SDK1: variants seen among roughly 807,000 people sequenced by gnomAD.
SDK1 encodes protein sidekick-1.
Under a neutral mutation model 245.5 loss-of-function variants are expected in SDK1, and 157 were observed. The observed-to-expected ratio is 0.64, with a 90% CI of 0.56 to 0.73. SDK1 has a LOEUF of 0.73. Ranked by LOEUF, SDK1 falls within the 30% of genes least tolerant of loss-of-function variation. The pLI is 0.00. For synonymous variants in SDK1, 1,647 were observed against 1,278.5 expected (o/e 1.29, Z -6.15); for missense variants, 3,583 against 3,002.3 (o/e 1.19, Z -4.52).
intron 1 of SDK1, among the ~76,000 whole-genome samples, chr7:3,614,549 G>A (rs1015647078): frequency 6.6e-6 from 1 of 152,176 alleles, no homozygotes; most frequent in Non-Finnish European, 1.5e-5. Flanking sequence ...AGTATGTAAA[G>A]ATCAAATGCT....
At chr7:3,722,411 G>T (rs933175413) in intron 4 of SDK1, among the ~76,000 whole-genome samples, 2 of 152,146 alleles carry the variant, frequency 1.3e-5, no homozygotes, top group Non-Finnish European at 2.9e-5. Context: ...TCAGCCCAGG[G>T]TAGAGAAGTA....
intron 1 of SDK1, among the ~76,000 whole-genome samples, chr7:3,478,421 A>T (rs1334892629): frequency 6.6e-6 from 1 of 152,034 alleles, no homozygotes; most frequent in Non-Finnish European, 1.5e-5. Flanking sequence ...ATTTGGGGAA[A>T]ATTTTTGAGA....
intron 17 of SDK1, among the ~76,000 whole-genome samples, chr7:4,041,829 T>C (rs1472647113): frequency 7.3e-6 from 1 of 136,182 alleles, no homozygotes; most frequent in African/African-American, 3.4e-5. Flanking sequence ...TTTTTTTCTT[T>C]TTTGTGACGG....
chr7:3,931,992 C>G (rs1779992934), intron 5 of SDK1, among the ~76,000 whole-genome samples: 1 of 152,230 alleles, frequency 6.6e-6, no homozygotes, highest in Admixed American at 6.5e-5. Context: ...GCCTGAACCA[C>G]TCTTACTGTT....
intron 44 of SDK1, 97 bp from the exon 45 acceptor site, chr7:4,265,027 C>T: frequency 6.6e-7 from 1 of 1,517,266 alleles, no homozygotes; most frequent in Non-Finnish European, 8.8e-7. Flanking sequence ...CGACACACGC[C>T]CCTGGGGAGG....
At position 3,652,244 on chromosome 7, in the gene SDK1, A is replaced by G. The variant is rs533491916; in HGVS notation, c.713+10139A>G. Among the ~76,000 whole-genome samples the G allele has an allele frequency of 1.6e-3, 247 of 152,282 alleles. 2 individuals carry two copies. Among genetic ancestry groups the G allele is most frequent in the African/African-American group, 5.7e-3 (237 of 41,578 alleles). On this transcript the variant is annotated intron_variant, in intron 4 of 44. Transcript: ENST00000404826. ...TCAAGAGAGCTGGTTTTTTCTTACC[A>G]TGGGGGATCCCAGCTATTATTTATG...
intron 12 of SDK1, among the ~76,000 whole-genome samples, chr7:3,973,211 G>T (rs532134632): frequency 2.0e-5 from 3 of 152,168 alleles, no homozygotes; most frequent in African/African-American, 4.8e-5. Flanking sequence ...ATGCCCCGGC[G>T]TGAGCAGTCT....
intron 5 of SDK1, among the ~76,000 whole-genome samples, chr7:3,944,896 A>T (rs1298243628): frequency 1.3e-5 from 2 of 152,216 alleles, no homozygotes; most frequent in East Asian, 3.8e-4. Context: ...CTTGGGGCAG[A>T]CTTGGTCATG....
chr7:4,227,632 G>A (rs2128234316), intron 40 of SDK1, among the ~76,000 whole-genome samples: 1 of 152,334 alleles, frequency 6.6e-6, no homozygotes, highest in Non-Finnish European at 1.5e-5. Flanking sequence ...AGAAATCTCA[G>A]GCAGTGAATG....
intron 13 of SDK1, among the ~76,000 whole-genome samples, chr7:3,983,007 A>T (rs533765483): frequency 2.0e-4 from 30 of 152,096 alleles, no homozygotes; most frequent in Non-Finnish European, 3.5e-4. Flanking sequence ...AGAGAACTAG[A>T]ATTAGAGGTG....
intron 1 of SDK1, among the ~76,000 whole-genome samples, chr7:3,316,813 A>G (rs1324185822): frequency 1.3e-5 from 2 of 152,072 alleles, no homozygotes; most frequent in East Asian, 1.9e-4. Flanking sequence ...TTTGTTTTCA[A>G]TTGTATCCCC....
At chr7:4,046,287 G>T (rs148758848) in intron 17 of SDK1, among the ~76,000 whole-genome samples, 19 of 152,102 alleles carry the variant, frequency 1.2e-4, no homozygotes, top group African/African-American at 4.1e-4. Context: ...TCTTGCACAC[G>T]TTGTCTCCCA....
Position 3,338,533 on chromosome 7 carries a change from C to T in SDK1, c.298+36649C>T, listed in dbSNP as rs1780262567. 4 of 419,216 alleles carry T rather than the reference C, an allele frequency of 9.5e-6. No homozygotes were observed. In the East Asian group the frequency reaches 1.8e-4, roughly 19 times the overall value. 26.0% of individuals were successfully genotyped at this position (419,216 alleles called of 1,614,324 possible). ...GAGCCAGCCTGTTCCCAGAGAAGCACACTTTGTGAGAAGCAGTGGAGAGGA... is the reference window on the plus strand; with the variant it reads ...GAGCCAGCCTGTTCCCAGAGAAGCATACTTTGTGAGAAGCAGTGGAGAGGA... On this transcript the variant is annotated intron_variant, in intron 1 of 44. Transcript: ENST00000404826.
intron 1 of SDK1, among the ~76,000 whole-genome samples, chr7:3,584,281 AC>A (rs934113745): frequency 2.0e-5 from 3 of 152,110 alleles, no homozygotes; most frequent in African/African-American, 7.2e-5. Flanking sequence ...CTATTTGAAT[AC>A]AAACCTAATG....
intron 28 of SDK1, among the ~76,000 whole-genome samples, chr7:4,136,040 C>T (rs1171289885): frequency 6.6e-6 from 1 of 152,166 alleles, no homozygotes; most frequent in African/African-American, 2.4e-5. Context: ...AGGTATGGAT[C>T]TTGATTTGTG....
intron 4 of SDK1, among the ~76,000 whole-genome samples, chr7:3,676,014 C>G (rs1038342124): frequency 6.6e-6 from 1 of 152,052 alleles, no homozygotes; most frequent in South Asian, 2.1e-4. Context: ...TATTGAGTTT[C>G]TTTTTTTGTG....
chr7:3,524,699 T>C (rs531511115), intron 1 of SDK1, among the ~76,000 whole-genome samples: 1 of 152,306 alleles, frequency 6.6e-6, no homozygotes, highest in East Asian at 1.9e-4. Context: ...CGTTAGGAGC[T>C]CACCTTTAGA....
At chr7:3,516,233 G>A (rs1348697645) in intron 1 of SDK1, among the ~76,000 whole-genome samples, 3 of 149,758 alleles carry the variant, frequency 2.0e-5, no homozygotes, top group Non-Finnish European at 3.0e-5. Context: ...TATATATTAT[G>A]TGATATATAC....
At chr7:4,160,569 G>A (rs1781049089) in intron 31 of SDK1, among the ~76,000 whole-genome samples, 1 of 152,214 alleles carries the variant, frequency 6.6e-6, no homozygotes, top group Non-Finnish European at 1.5e-5. Flanking sequence ...CTCTCTCCAG[G>A]GGTTGGGGAA....
Sources: gnomAD v4.1 joint callset for allele counts (sites outside exome capture counted in the v4.1 genomes callset) on GRCh38, gnomAD v4.1.1 for gene constraint, MANE v1.5 for transcripts, NCBI Gene and HGNC (gene_info 2026-07-23, HGNC 2026-07-21) for gene names.